The following PIK3C3 variants were observed in gnomAD, a reference collection of about 807,000 sequenced individuals.
PIK3C3 encodes the protein PI3-kinase type 3.
Under a neutral mutation model 126.1 loss-of-function variants are expected in PIK3C3, and 95 were observed. The observed-to-expected ratio is 0.75, with a 90% CI of 0.64 to 0.89. The LOEUF is 0.89. Among genes scored for constraint, PIK3C3 ranks in the 40% least tolerant of loss-of-function variants. PIK3C3 has a pLI of 0.00. For synonymous variants in PIK3C3, 374 were observed against 360.0 expected (o/e 1.04, Z -0.44); for missense variants, 829 against 1,063.2 (o/e 0.78, Z 3.06).
At chr18:41,997,104 A>G (rs576070826) in intron 9 of PIK3C3, among the ~76,000 whole-genome samples, 1 of 152,262 alleles carries the variant, frequency 6.6e-6, no homozygotes, top group Non-Finnish European at 1.5e-5. Flanking sequence ...AACCTGGTAG[A>G]GTATCTGGTG....
chr18:42,078,212 C>G (rs1986101587), intron 24 of PIK3C3, among the ~76,000 whole-genome samples: 1 of 151,116 alleles, frequency 6.6e-6, no homozygotes, highest in South Asian at 2.1e-4. Context: ...CCCGTCTCTA[C>G]TAAAAATACA....
chr18:41,992,612 G>GA (rs1981832707), intron 6 of PIK3C3, among the ~76,000 whole-genome samples: 1 of 152,072 alleles, frequency 6.6e-6, no homozygotes, highest in Non-Finnish European at 1.5e-5. Context: ...TCACATTGGA[G>GA]AAAAATAAAA....
chr18:42,022,633 T>TG (rs1598904731), intron 13 of PIK3C3, among the ~76,000 whole-genome samples: 2 of 150,504 alleles, frequency 1.3e-5, no homozygotes, highest in Admixed American at 6.6e-5. Context: ...CCTGTGTTTA[T>TG]TTTTTTTTGG....
chr18:42,076,194 A>C (rs958345100), intron 24 of PIK3C3, among the ~76,000 whole-genome samples: 1 of 99,534 alleles, frequency 1.0e-5, no homozygotes, highest in Non-Finnish European at 1.8e-5. Context: ...ATATATATGC[A>C]CACATATATA....
chr18:42,021,526 G>T (rs1983320384), intron 13 of PIK3C3, among the ~76,000 whole-genome samples: 1 of 152,162 alleles, frequency 6.6e-6, no homozygotes, highest in South Asian at 2.1e-4. Flanking sequence ...AGCCAGGTGG[G>T]TAAGACCTGC....
chr18:41,965,326 G>C (rs573339789), intron 3 of PIK3C3, among the ~76,000 whole-genome samples: 1 of 152,242 alleles, frequency 6.6e-6, no homozygotes, highest in South Asian at 2.1e-4. Flanking sequence ...AGTTTCAGAG[G>C]ATTTTCTGAC....
At chr18:42,043,952 A>T (rs769429106) in intron 20 of PIK3C3, 135 bp downstream of exon 20, 48 of 568,630 alleles carry the variant, frequency 8.4e-5, no homozygotes, top group Non-Finnish European at 1.2e-4. Flanking sequence ...ATAAATGTTG[A>T]TTAAAGTAGT....
At chr18:41,977,688 T>C (rs1198759801) in intron 4 of PIK3C3, among the ~76,000 whole-genome samples, 1 of 152,126 alleles carries the variant, frequency 6.6e-6, no homozygotes, top group African/African-American at 2.4e-5. Context: ...TTTCACCATG[T>C]TGGCCAGGCA....
chr18:42,070,629 C>T (rs1339084706), intron 24 of PIK3C3: 1 of 152,036 alleles, frequency 6.6e-6, no homozygotes, highest in Non-Finnish European at 1.5e-5. Context: ...AGTTTTCACA[C>T]CTATAAAGTG....
chr18:42,015,405 A>G, intron 11 of PIK3C3, 71 bp from the exon 12 acceptor site: 1 of 1,146,558 alleles, frequency 8.7e-7, no homozygotes, highest in South Asian at 1.2e-5. Context: ...GAACTGTTCC[A>G]TAAAAAATTG....
intron 11 of PIK3C3, among the ~76,000 whole-genome samples, chr18:42,014,449 C>G (rs1040974031): frequency 1.3e-5 from 2 of 152,154 alleles, no homozygotes; most frequent in Non-Finnish European, 2.9e-5. Flanking sequence ...TATCGTGTTA[C>G]AACTGTCCTC....
At chr18:41,973,683 G>A (rs1275308474) in intron 4 of PIK3C3, among the ~76,000 whole-genome samples, 1 of 151,906 alleles carries the variant, frequency 6.6e-6, no homozygotes, top group Non-Finnish European at 1.5e-5. Flanking sequence ...CAGTTAGATT[G>A]TCACTCTCTT....
At chr18:41,967,488 G>A (rs1394885589) in intron 3 of PIK3C3, among the ~76,000 whole-genome samples, 1 of 152,122 alleles carries the variant, frequency 6.6e-6, no homozygotes, top group Admixed American at 6.5e-5. Flanking sequence ...CTTAGTAGCT[G>A]TTAAAAGTGA....
chr18:42,011,361 A>G (rs1221328956), intron 10 of PIK3C3, among the ~76,000 whole-genome samples: 2 of 152,218 alleles, frequency 1.3e-5, no homozygotes, highest in Non-Finnish European at 2.9e-5. Context: ...TGCAGTTTCT[A>G]CATCAGTACT....
At chr18:42,010,523 G>A (rs1291528762) in intron 10 of PIK3C3, among the ~76,000 whole-genome samples, 5 of 151,942 alleles carry the variant, frequency 3.3e-5, no homozygotes, top group Admixed American at 1.3e-4. Context: ...ATGCCACTGC[G>A]CCCACCTAAT....
At chr18:41,992,071 T>A (rs1981805660) in intron 6 of PIK3C3, among the ~76,000 whole-genome samples, 1 of 152,154 alleles carries the variant, frequency 6.6e-6, no homozygotes, top group Non-Finnish European at 1.5e-5. Flanking sequence ...GATGAAATAA[T>A]AACAGAATAG....
At position 42,082,113 on chromosome 18, in the gene PIK3C3, A is replaced by G. The variant is rs1016945290; in HGVS notation, c.*976A>G. 4 of 152,146 alleles carry G rather than the reference A, an allele frequency of 2.6e-5. No homozygotes were observed. Among genetic ancestry groups the G allele is most frequent in the Non-Finnish European group, 4.4e-5 (3 of 68,032 alleles). The allele number at this position is 152,146 out of a possible 1,614,324, so 9.4% of individuals were successfully genotyped here. On this transcript the variant is annotated 3_prime_UTR_variant, in exon 25 of 25. Coordinates refer to ENST00000262039, the MANE Select transcript of PIK3C3 (RefSeq NM_002647.4). ...TAGCTTTTTTACTGGAACTTTGGGGAAAAAGAACAAATACAAATATACAAA... is the reference window on the plus strand; with the variant it reads ...TAGCTTTTTTACTGGAACTTTGGGGGAAAAGAACAAATACAAATATACAAA...
chr18:41,956,418 A>G (rs993844456), intron 1 of PIK3C3, among the ~76,000 whole-genome samples: 12 of 152,146 alleles, frequency 7.9e-5, no homozygotes, highest in African/African-American at 2.9e-4. Context: ...CACCACTAGT[A>G]GTTTATACAG....
intron 17 of PIK3C3, 65 bp from the exon 18 acceptor site, chr18:42,038,716 G>C: frequency 2.1e-6 from 2 of 958,464 alleles, no homozygotes; most frequent in South Asian, 2.8e-5. Context: ...TATACTATTT[G>C]CCCACAAAAC....
Sources: gnomAD v4.1 joint callset for allele counts (sites outside exome capture counted in the v4.1 genomes callset) on GRCh38, gnomAD v4.1.1 for gene constraint, MANE v1.5 for transcripts, NCBI Gene and HGNC (gene_info 2026-07-23, HGNC 2026-07-21) for gene names.